COLGALT1: variants seen among roughly 807,000 people sequenced by gnomAD.
COLGALT1 encodes collagen beta(1-O)galactosyltransferase 1.
In COLGALT1, 43 loss-of-function variants were observed where a neutral mutation model predicts 60.8. That is an observed-to-expected ratio of 0.71 (90% CI 0.55 to 0.91). The LOEUF is 0.91. Ranked by LOEUF, COLGALT1 falls within the 40% of genes least tolerant of loss-of-function variation. The pLI is 0.00. For synonymous variants in COLGALT1, 369 were observed against 374.2 expected, an observed-to-expected ratio of 0.99 and a Z score of 0.16; for missense variants, 845 against 880.0, an observed-to-expected ratio of 0.96 and a Z score of 0.50.
At chr19:17,577,856 G>A in intron 8 of COLGALT1, 101 bp from the exon 9 acceptor site, 1 of 1,476,762 alleles carries the variant, frequency 6.8e-7, no homozygotes, top group Non-Finnish European at 9.1e-7. Flanking sequence ...ACAAGAGGTG[G>A]ACCAGCTGCT....
intron 3 of COLGALT1, among the ~76,000 whole-genome samples, chr19:17,566,351 C>T (rs767114105): frequency 2.5e-4 from 38 of 151,858 alleles, no homozygotes; most frequent in Non-Finnish European, 4.7e-4. Context: ...CAACAGGAGA[C>T]GCCATCTCAA....
chr19:17,579,672 G>T, intron 10 of COLGALT1, 63 bp downstream of exon 10: 1 of 1,528,040 alleles, frequency 6.5e-7, no homozygotes, highest in Non-Finnish European at 8.9e-7. Flanking sequence ...ACTTAGAGGT[G>T]GGGGTGGGGG....
Position 17,555,983 on chromosome 19 carries a change from GC to G in COLGALT1, c.260+13del. 1 of 1,328,516 alleles carries G rather than the reference GC, an allele frequency of 7.5e-7. No individual in the cohort carries two copies. Among genetic ancestry groups the G allele is most frequent in the African/African-American group, 1.5e-5 (1 of 65,552 alleles). 82.3% of individuals were successfully genotyped at this position (1,328,516 alleles called of 1,614,324 possible). On this transcript the variant is annotated intron_variant, in intron 1 of 11. Transcript: ENST00000252599. Reference sequence around the variant, plus strand: ...AGCGCACGGCGCTATGGTGAGTCGAGCCCGCTGTCCCCATCAGGCGGGTCAC... The same window carrying G: ...AGCGCACGGCGCTATGGTGAGTCGAGCCGCTGTCCCCATCAGGCGGGTCAC...
intron 5 of COLGALT1, among the ~76,000 whole-genome samples, chr19:17,570,049 C>T (rs2076303406): frequency 6.6e-6 from 1 of 152,048 alleles, no homozygotes. Flanking sequence ...CACCAGCCAC[C>T]AGGCCCGGCT....
intron 6 of COLGALT1, among the ~76,000 whole-genome samples, chr19:17,575,694 T>C (rs2076336799): frequency 6.6e-6 from 1 of 150,990 alleles, no homozygotes; most frequent in African/African-American, 2.4e-5. Context: ...TTTTGCTTTT[T>C]TTGGAGATGG....
Position 17,577,361 on chromosome 19 carries a change from G to T in COLGALT1, c.1027G>T (p.Val343Phe). The T allele has an allele frequency of 6.2e-7, 1 of 1,602,496 alleles. No homozygotes were observed. The highest frequency in any genetic ancestry group is 8.5e-7 in the Non-Finnish European group (1 of 1,175,956). The part of the protein sequence containing the change: ...KTPDKMGFDE[V>F]FMINLRRRQD... Reference sequence around the variant, plus strand: ...TGGCTGGGGACTCTCCGGGCTGCAGGTCTTCATGATCAACCTGAGGCGGCG... The same window carrying T: ...TGGCTGGGGACTCTCCGGGCTGCAGTTCTTCATGATCAACCTGAGGCGGCG... The change falls in exon 8 of 12, where the codon GTC becomes TTC. Residue 343 changes from valine to phenylalanine, a missense_variant and splice_region_variant. By Grantham distance (50) the Val-to-Phe change is conservative. Transcript: ENST00000252599.
chr19:17,568,822 G>C, intron 5 of COLGALT1, 109 bp downstream of exon 5: 1 of 1,077,982 alleles, frequency 9.3e-7, no homozygotes. Context: ...AAACAATGCA[G>C]CGCAGGGCTG....
At chr19:17,559,197 G>C (rs2076233533) in intron 1 of COLGALT1, 114 bp from the exon 2 acceptor site, 1 of 729,952 alleles carries the variant, frequency 1.4e-6, no homozygotes, top group Non-Finnish European at 2.5e-6. Context: ...GTCCTGTCCA[G>C]GGATACATAG....
Position 17,581,291 on chromosome 19 carries a change from G to T in COLGALT1, c.1716G>T (p.Glu572Asp). ...ACGATGGCTATGTGAGTGACACCGAGACCTCAGTCGTATGGAACAATGAGC... is the reference window on the plus strand; with the variant it reads ...ACGATGGCTATGTGAGTGACACCGATACCTCAGTCGTATGGAACAATGAGC... ...TGDDGYVSDT[E>D]TSVVWNNEHV... Residue 572 changes from glutamate (E) to aspartate (D), a missense_variant, in exon 12 of 12, where the codon GAG (glutamate) becomes GAT (aspartate). Physicochemically the swap from Glu to Asp is conservative, Grantham distance 45 (BLOSUM62 2). Transcript: ENST00000252599. The T allele has an allele frequency of 6.2e-7, 1 of 1,612,938 alleles. No homozygotes were observed. The highest frequency in any genetic ancestry group is 8.5e-7 in the Non-Finnish European group (1 of 1,180,010).
chr19:17,566,037 AAC>A (rs1348770365), intron 3 of COLGALT1: 8 of 152,124 alleles, frequency 5.3e-5, no homozygotes, highest in African/African-American at 1.9e-4. Flanking sequence ...CTGCCTGGGT[AAC>A]AGAAAGCATC....
chr19:17,559,558 T>C, intron 2 of COLGALT1, 137 bp downstream of exon 2: 2 of 675,672 alleles, frequency 3.0e-6, no homozygotes, highest in Non-Finnish European at 2.6e-6. Flanking sequence ...ATTAAGCTAC[T>C]CTGAGCCTCC....
chr19:17,579,391 G>T, intron 9 of COLGALT1, 91 bp from the exon 10 acceptor site: 3 of 1,566,150 alleles, frequency 1.9e-6, no homozygotes, highest in Non-Finnish European at 2.6e-6. Flanking sequence ...TTCTCTACGG[G>T]TCTTTCAAAC....
intron 6 of COLGALT1, among the ~76,000 whole-genome samples, chr19:17,576,215 CA>C (rs1393169850): frequency 6.6e-6 from 1 of 152,144 alleles, no homozygotes; most frequent in African/African-American, 2.4e-5. Context: ...GGCACAGGGC[CA>C]GGGGGTTAGG....
intron 5 of COLGALT1, among the ~76,000 whole-genome samples, chr19:17,571,074 A>G (rs1385782089): frequency 1.3e-5 from 2 of 152,186 alleles, no homozygotes; most frequent in Non-Finnish European, 2.9e-5. Context: ...TCTGGCACAC[A>G]AGCCTAAAAT....
chr19:17,581,130 T>A, intron 11 of COLGALT1, 47 bp from the exon 12 acceptor site: 1 of 1,584,656 alleles, frequency 6.3e-7, no homozygotes, highest in East Asian at 2.2e-5. Context: ...AGCTGTCCCG[T>A]CCCCTGAAGC....
At chr19:17,576,938 G>T in intron 6 of COLGALT1, 1 of 559,606 alleles carries the variant, frequency 1.8e-6, no homozygotes, top group South Asian at 2.1e-5. Flanking sequence ...GGCCTGGGGT[G>T]TGGCCAGGGC....
At chr19:17,567,586 G>A (rs755957957) in intron 4 of COLGALT1, 46 bp downstream of exon 4, 4 of 1,589,136 alleles carry the variant, frequency 2.5e-6, no homozygotes, top group East Asian at 2.3e-5. Context: ...TGAGCAGGGG[G>A]GTGCCGTGGC....
At position 17,570,319 on chromosome 19, in the gene COLGALT1, A is replaced by G. The variant is rs193091194; in HGVS notation, c.829+1606A>G. 2.3e-3 allele frequency among the ~76,000 whole-genome samples: 352 copies of G among 152,202 alleles called. 7 individuals are homozygous for G. Among genetic ancestry groups the G allele is most frequent in the Admixed American group, 0.022 (337 of 15,266 alleles). Reference sequence around the variant, plus strand: ...CAGTGGTGTGATCGTAGCTCACTGCAGCCTCAACCTCCTGGGCTCAAGCAA... The same window carrying G: ...CAGTGGTGTGATCGTAGCTCACTGCGGCCTCAACCTCCTGGGCTCAAGCAA... On this transcript the variant is annotated intron_variant, in intron 5 of 11. Coordinates refer to ENST00000252599, the MANE Select transcript of COLGALT1 (RefSeq NM_024656.4).
chr19:17,563,889 C>T (rs2076264137), intron 3 of COLGALT1, among the ~76,000 whole-genome samples: 1 of 150,282 alleles, frequency 6.7e-6, no homozygotes, highest in Admixed American at 7.0e-5. Context: ...GAAGGTCCCC[C>T]TTTCTCTCTC....
Sources: gnomAD v4.1 joint callset for allele counts (sites outside exome capture counted in the v4.1 genomes callset) on GRCh38, gnomAD v4.1.1 for gene constraint, MANE v1.5 for transcripts, NCBI Gene and HGNC (gene_info 2026-07-23, HGNC 2026-07-21) for gene names.